Variants in LITAF observed in about 807,000 individuals in gnomAD.
LITAF encodes the protein lipopolysaccharide-induced tumor necrosis factor-alpha factor.
LITAF carries 9 observed loss-of-function variants against 14.5 expected under a neutral mutation model. The ratio of observed to expected loss-of-function variants is 0.62; its 90% CI spans 0.37 to 1.08. The LOEUF is 1.08. Ranked by LOEUF, LITAF falls within the 50% of genes least tolerant of loss-of-function variation. The pLI, the probability that LITAF is intolerant of heterozygous loss-of-function variation, is 0.01. For missense variants in LITAF, 206 were observed against 213.4 expected, an observed-to-expected ratio of 0.97 and a Z score of 0.22; for synonymous variants, 98 against 88.2, an observed-to-expected ratio of 1.11 and a Z score of -0.62.
At chr16:11,635,519 G>C (rs769611580) in intron 2 of LITAF, among the ~76,000 whole-genome samples, 3 of 152,020 alleles carry the variant, frequency 2.0e-5, no homozygotes, top group South Asian at 4.1e-4. Context: ...GTCACCTCTC[G>C]GGTTATAATA....
chr16:11,637,912 ATCTATATCTATATC>A (rs1567270814), upstream of LITAF, among the ~76,000 whole-genome samples: 53 of 42,904 alleles, frequency 1.2e-3, 13 homozygotes, highest in African/African-American at 0.011. Flanking sequence ...ATATATATAT[ATCTATATCTATATC>A]TATATCTATA....
At chr16:11,569,960 A>T (rs906526420) in intron 1 of LITAF, among the ~76,000 whole-genome samples, 6 of 151,436 alleles carry the variant, frequency 4.0e-5, no homozygotes, top group Non-Finnish European at 2.9e-5. Flanking sequence ...GAACCTGGGA[A>T]GCGGAGATTG....
rs57356724 is a variant in LITAF, at chr16:11,562,963, A to C, written c.-5-6228T>G. ...AAGACAATCTTTAAAAATTTTTTTT[A>C]ATTAAAAAATATATATTAGCCAGAC... On this transcript the variant is annotated intron_variant, in intron 1 of 3. Transcript: ENST00000622633. 5.8e-3 allele frequency among the ~76,000 whole-genome samples: 877 copies of C among 151,952 alleles called. 11 individuals carry two copies. Among genetic ancestry groups the C allele is most frequent in the African/African-American group, 0.02 (830 of 41,446 alleles).
intron 3 of LITAF, among the ~76,000 whole-genome samples, chr16:11,627,818 T>C (rs994233053): frequency 5.3e-5 from 8 of 152,054 alleles, no homozygotes; most frequent in African/African-American, 1.7e-4. Flanking sequence ...TGCTCCAGCC[T>C]GGGTAACAGA....
At chr16:11,560,672 G>C (rs1006134882) in intron 1 of LITAF, among the ~76,000 whole-genome samples, 1 of 152,092 alleles carries the variant, frequency 6.6e-6, no homozygotes, top group Non-Finnish European at 1.5e-5. Context: ...GCTGTGAGCC[G>C]TGGGAGTCAC....
At chr16:11,581,991 C>G (rs572925795) in intron 1 of LITAF, among the ~76,000 whole-genome samples, 3 of 152,066 alleles carry the variant, frequency 2.0e-5, no homozygotes, top group African/African-American at 7.2e-5. Context: ...AGTTACAGTT[C>G]AATGGGAGGA....
chr16:11,548,626 G>T lies in LITAF; in HGVS notation c.*1011C>A. ...TTAAGTGAGACTACATTGGCAAATG[G>T]GAAAATGACACCAATCATTTGATTA... On this transcript the variant is annotated 3_prime_UTR_variant, in exon 4 of 4. Transcript: ENST00000622633. 1 of 450,698 alleles carries T rather than the reference G, an allele frequency of 2.2e-6. No homozygotes were observed. Among genetic ancestry groups the T allele is most frequent in the Non-Finnish European group, 4.4e-6 (1 of 225,932 alleles). The allele number at this position is 450,698 out of a possible 1,614,324, so 27.9% of individuals were successfully genotyped here.
Position 11,573,736 on chromosome 16 carries a change from C to G in LITAF, c.-6+13150G>C, listed in dbSNP as rs1186268845. ...TTTTTTTTTTTTTAGGAGTCTTGCT[C>G]TGTTGCCCAGGTTGGAGTGCAGTGG... On this transcript the variant is annotated intron_variant, in intron 1 of 3. Transcript: ENST00000622633. Among the ~76,000 whole-genome samples, 20 of 117,822 alleles carry G rather than the reference C, an allele frequency of 1.7e-4. No homozygotes were observed. The Admixed American group carries it at 2.0e-3, about 12-fold the overall frequency. 77.3% of individuals were successfully genotyped at this position (117,822 alleles called of 152,430 possible).
chr16:11,559,622 T>C (rs1456270436), intron 1 of LITAF, among the ~76,000 whole-genome samples: 1 of 152,008 alleles, frequency 6.6e-6, no homozygotes, highest in East Asian at 1.9e-4. Flanking sequence ...TATTGATATA[T>C]TAAAATGACC....
At chr16:11,577,748 C>T (rs935903169) in intron 1 of LITAF, among the ~76,000 whole-genome samples, 1 of 152,086 alleles carries the variant, frequency 6.6e-6, no homozygotes, top group African/African-American at 2.4e-5. Context: ...CAGGGTCTCA[C>T]TCTGTCACCC....
intron 1 of LITAF, among the ~76,000 whole-genome samples, chr16:11,563,621 A>G (rs1334888562): frequency 6.6e-6 from 1 of 152,192 alleles, no homozygotes; most frequent in Admixed American, 6.5e-5. Context: ...ATACCTGCCA[A>G]TGATGGGTTC....
Position 11,586,632 on chromosome 16 carries a change from A to T in LITAF, c.-6+254T>A, listed in dbSNP as rs1415869167. 6.6e-6 allele frequency among the ~76,000 whole-genome samples: 1 copy of T among 151,370 alleles called. No homozygotes were observed. Among genetic ancestry groups the T allele is most frequent in the Non-Finnish European group, 1.5e-5 (1 of 67,690 alleles). On this transcript the variant is annotated intron_variant, in intron 1 of 3. Transcript: ENST00000622633. The surrounding 1 kb of genome is among the most constrained non-coding windows in gnomAD (Gnocchi z 6.5). ...CGACCCCGCCACGCGCGATCGGGCC[A>T]CTCTGGGACGCAGGAGCTGAACCCA... is the stretch of plus-strand genomic sequence containing the variant.
chr16:11,552,942 T>C (rs970217486), intron 3 of LITAF, among the ~76,000 whole-genome samples: 1 of 144,650 alleles, frequency 6.9e-6, no homozygotes, highest in Non-Finnish European at 1.5e-5. Flanking sequence ...GGTGAGACCC[T>C]ATCTCTACTA....
chr16:11,556,375 T>A (rs2064267971), intron 2 of LITAF, 136 bp downstream of exon 2: 1 of 702,940 alleles, frequency 1.4e-6, no homozygotes, highest in Non-Finnish European at 2.4e-6. Flanking sequence ...CGTGTGGAAT[T>A]TCAAGGTAAG....
chr16:11,571,144 T>C (rs1175309165), intron 1 of LITAF, among the ~76,000 whole-genome samples: 1 of 152,116 alleles, frequency 6.6e-6, no homozygotes, highest in Non-Finnish European at 1.5e-5. Flanking sequence ...CTCAGCTCAC[T>C]GCAACCTCCG....
At chr16:11,592,188 G>A (rs561272444), upstream of LITAF, among the ~76,000 whole-genome samples, 2 of 152,296 alleles carry the variant, frequency 1.3e-5, no homozygotes, top group Admixed American at 6.5e-5. Flanking sequence ...GAAAATGTTT[G>A]CAAATTATAT....
At chr16:11,580,236 C>G (rs1245838518) in intron 1 of LITAF, among the ~76,000 whole-genome samples, 1 of 151,924 alleles carries the variant, frequency 6.6e-6, no homozygotes, top group Non-Finnish European at 1.5e-5. Flanking sequence ...AAGTGACTAT[C>G]ATAGGACCCT....
intron 1 of LITAF, among the ~76,000 whole-genome samples, chr16:11,579,320 G>C (rs575927213): frequency 1.7e-4 from 25 of 151,340 alleles, no homozygotes; most frequent in African/African-American, 6.1e-4. Flanking sequence ...GCGCGGTGGC[G>C]GGCGCCTGTA....
chr16:11,587,799 C>T (rs2064823405), upstream of LITAF, among the ~76,000 whole-genome samples: 1 of 152,156 alleles, frequency 6.6e-6, no homozygotes. Flanking sequence ...TCTGGGAAAT[C>T]ATTAGAGGGA....
Sources: allele counts gnomAD v4.1 joint callset (sites outside exome capture counted in the v4.1 genomes callset), GRCh38; gene constraint gnomAD v4.1.1; non-coding constraint Gnocchi (gnomAD v3.1); transcripts MANE v1.5; gene names NCBI Gene and HGNC (gene_info 2026-07-23, HGNC 2026-07-21).